ZKSCAN5: variants seen among roughly 807,000 people sequenced by gnomAD.
ZKSCAN5 encodes the protein zinc finger with KRAB and SCAN domains 5, also known as zinc finger protein with KRAB and SCAN domains 5.
In ZKSCAN5, 28 loss-of-function variants were observed where a neutral mutation model predicts 60.0. That is an observed-to-expected ratio of 0.47 (90% confidence interval 0.35 to 0.64). ZKSCAN5 has a LOEUF of 0.64. Among genes scored for constraint, ZKSCAN5 ranks in the 30% least tolerant of loss-of-function variants. ZKSCAN5 has a pLI of 0.01. For missense variants in ZKSCAN5, 881 were observed against 1,034.6 expected (o/e 0.85, Z 2.04); for synonymous variants, 361 against 371.2 (o/e 0.97, Z 0.31).
rs191682118 is a variant in ZKSCAN5, at chr7:99,520,024, C to A, written c.636+115C>A. ...TGGGTTGGTACCTTCATTCCTTTGG[C>A]CTTTTTCCTTTCTGCCTAGTCCTTC... On this transcript the variant is annotated intron_variant, in intron 4 of 6. Transcript: ENST00000326775. The A allele has an allele frequency of 7.4e-6, 11 of 1,489,938 alleles. No homozygotes were observed. In the African/African-American group the frequency reaches 1.4e-4, roughly 19 times the overall value. 92.3% of individuals were successfully genotyped at this position (1,489,938 alleles called of 1,614,324 possible).
intron 5 of ZKSCAN5, among the ~76,000 whole-genome samples, chr7:99,521,176 C>A (rs976638402): frequency 2.0e-5 from 3 of 152,182 alleles, no homozygotes; most frequent in Non-Finnish European, 2.9e-5. Context: ...TGCAAACATA[C>A]ACGCTACAAA....
intron 5 of ZKSCAN5, among the ~76,000 whole-genome samples, chr7:99,523,163 CAAAAAAAAAA>C (rs35854468): frequency 2.0e-5 from 1 of 48,954 alleles, no homozygotes; most frequent in Admixed American, 3.1e-4. Flanking sequence ...GACCCTATCT[CAAAAAAAAAA>C]AAAAAAAAAA....
chr7:99,534,674 T>TAAAAAA lies in ZKSCAN5; in HGVS notation c.*2446_*2451dup, dbSNP rs55658352. The TAAAAAA allele has an allele frequency of 3.6e-5, 2 of 55,082 alleles. No individual in the cohort carries two copies. Among genetic ancestry groups the TAAAAAA allele is most frequent in the African/African-American group, 6.7e-5 (1 of 15,020 alleles). The allele number at this position is 55,082 out of a possible 1,614,324, so 3.4% of individuals were successfully genotyped here. A position where few individuals can be genotyped will look rare whatever the true frequency, so the allele number is the denominator to read the frequency against. ...GCCCAGTTGACAGAGCGACAGTGTC[T>TAAAAAA]AAAAAAAAAAAAAAAAAAAAAAAAA... On this transcript the variant is annotated 3_prime_UTR_variant, in exon 7 of 7. Transcript: ENST00000326775.
chr7:99,526,043 A>C lies in ZKSCAN5; in HGVS notation c.1003A>C (p.Ser335Arg), dbSNP rs1316988394. ...KRDLDAITDI[S>R]PKQSTHGERG... The stretch of plus-strand genomic sequence containing the variant: ...GGATCTGGATGCAATCACAGACATC[A>C]GCCCTAAGCAAAGCACACATGGCGA... Residue 335 changes from serine to arginine, a missense_variant, in exon 6 of 7, where the codon AGC becomes CGC. By Grantham distance (110) the Ser-to-Arg change is moderately radical. Transcript: ENST00000326775. 6.2e-7 allele frequency: 1 copy of C among 1,614,234 alleles called. No individual in the cohort carries two copies. Among genetic ancestry groups the C allele is most frequent in the Non-Finnish European group, 8.5e-7 (1 of 1,180,040 alleles).
intron 3 of ZKSCAN5, among the ~76,000 whole-genome samples, chr7:99,513,243 G>GAC (rs1248066081): frequency 6.6e-6 from 1 of 151,838 alleles, no homozygotes; most frequent in East Asian, 1.9e-4. Flanking sequence ...ATTTGGGAAA[G>GAC]ACACATGCAC....
chr7:99,507,867 C>G (rs1417017658), intron 2 of ZKSCAN5, among the ~76,000 whole-genome samples: 1 of 151,786 alleles, frequency 6.6e-6, no homozygotes, highest in Admixed American at 6.6e-5. Flanking sequence ...GATTTTGCCA[C>G]TGTATTCCAG....
At chr7:99,519,483 G>A (rs576183981) in intron 3 of ZKSCAN5, among the ~76,000 whole-genome samples, 14 of 151,870 alleles carry the variant, frequency 9.2e-5, no homozygotes, top group Non-Finnish European at 1.8e-4. Flanking sequence ...TTGCCTTGTT[G>A]GCCAGGATGG....
At chr7:99,510,543 C>A (rs1800974390) in intron 2 of ZKSCAN5, among the ~76,000 whole-genome samples, 1 of 152,076 alleles carries the variant, frequency 6.6e-6, no homozygotes, top group Admixed American at 6.6e-5. Context: ...CTCCCGGGTT[C>A]AAGCGATTCT....
intron 2 of ZKSCAN5, among the ~76,000 whole-genome samples, chr7:99,512,091 C>T (rs916212326): frequency 2.0e-5 from 3 of 152,188 alleles, no homozygotes; most frequent in African/African-American, 7.2e-5. Context: ...CCCGTGCGCC[C>T]AGCCCTTCTC....
Position 99,526,026 on chromosome 7 carries a change from A to T in ZKSCAN5, c.986A>T (p.Asp329Val), listed in dbSNP as rs747987408. Reference sequence around the variant, plus strand: ...AATCCTTCCCAGAAAAGGGATCTGGATGCAATCACAGACATCAGCCCTAAG... The same window carrying T: ...AATCCTTCCCAGAAAAGGGATCTGGTTGCAATCACAGACATCAGCCCTAAG... ...RQNPSQKRDL[D>V]AITDISPKQS... The change falls in exon 6 of 7, where the codon GAT becomes GTT. Residue 329 changes from aspartate (D) to valine (V), a missense_variant. This residue lies in a region of ZKSCAN5 where 490 missense variants were observed against 554.5 expected (regional missense o/e 0.88). Coordinates refer to ENST00000326775, the MANE Select transcript of ZKSCAN5 (RefSeq NM_145102.4). The T allele has an allele frequency of 1.2e-6, 2 of 1,614,200 alleles. No homozygotes were observed. The highest frequency in any genetic ancestry group is 3.3e-5 in the Admixed American group (2 of 60,006).
chr7:99,511,100 C>A (rs538939011), intron 2 of ZKSCAN5, among the ~76,000 whole-genome samples: 1 of 151,086 alleles, frequency 6.6e-6, no homozygotes, highest in East Asian at 1.9e-4. Context: ...CAGGAGGATT[C>A]GAAAAAAAAG....
rs926665425 is a variant in ZKSCAN5, at chr7:99,530,704, C to T, written c.1379-404C>T. 5.9e-5 allele frequency among the ~76,000 whole-genome samples: 9 copies of T among 152,154 alleles called. No individual in the cohort carries two copies. In the East Asian group the frequency reaches 7.7e-4, roughly 13 times the overall value. ...CACACACATCCACCTCTGTTACTCC[C>T]GTTACATCATAGTTTCATCTGATGA... is the stretch of plus-strand genomic sequence containing the variant. On this transcript the variant is annotated intron_variant, in intron 6 of 6. Transcript: ENST00000326775.
intron 3 of ZKSCAN5, among the ~76,000 whole-genome samples, chr7:99,515,969 C>G (rs572176041): frequency 6.6e-6 from 1 of 151,994 alleles, no homozygotes; most frequent in Non-Finnish European, 1.5e-5. Flanking sequence ...TCCTCCTCCC[C>G]TCTTCTGAGC....
chr7:99,521,601 T>G (rs568744028), intron 5 of ZKSCAN5, among the ~76,000 whole-genome samples: 2 of 152,078 alleles, frequency 1.3e-5, no homozygotes, highest in African/African-American at 4.8e-5. Flanking sequence ...CTGACTCTGC[T>G]CTTTTAAATT....
intron 1 of ZKSCAN5, 157 bp from the exon 2 acceptor site, chr7:99,505,848 T>A: frequency 1.8e-6 from 1 of 560,158 alleles, no homozygotes; most frequent in South Asian, 2.3e-5. Context: ...TAGTACCTAT[T>A]TTTAAGTAAA....
At chr7:99,518,267 A>C (rs2151104683) in intron 3 of ZKSCAN5, among the ~76,000 whole-genome samples, 1 of 151,934 alleles carries the variant, frequency 6.6e-6, no homozygotes, top group African/African-American at 2.4e-5. Context: ...CTAAAACTAC[A>C]AAAATTAGCC....
At chr7:99,510,346 G>A (rs893953417) in intron 2 of ZKSCAN5, among the ~76,000 whole-genome samples, 15 of 151,904 alleles carry the variant, frequency 9.9e-5, no homozygotes, top group African/African-American at 3.6e-4. Flanking sequence ...TGATTCTCCT[G>A]CGTCAGTCTC....
chr7:99,513,732 AAAC>A (rs1562905824), intron 3 of ZKSCAN5: 3 of 357,802 alleles, frequency 8.4e-6, no homozygotes, highest in African/African-American at 4.4e-5. Context: ...TATGTTAAAA[AAAC>A]AAAAAAACAA....
At chr7:99,520,903 A>G (rs1801508580) in intron 5 of ZKSCAN5, among the ~76,000 whole-genome samples, 1 of 152,026 alleles carries the variant, frequency 6.6e-6, no homozygotes, top group Admixed American at 6.6e-5. Flanking sequence ...GGAGGACTTC[A>G]TTACCATTCT....
Sources: gnomAD v4.1 joint callset for allele counts (sites outside exome capture counted in the v4.1 genomes callset) on GRCh38, gnomAD v4.1.1 for gene constraint, gnomAD v4.1.1 regional missense constraint, MANE v1.5 for transcripts, NCBI Gene and HGNC (gene_info 2026-07-23, HGNC 2026-07-21) for gene names.